ASPH: variants seen among roughly 807,000 people sequenced by gnomAD.
The protein encoded by ASPH is aspartyl/asparaginyl beta-hydroxylase.
A neutral mutation model predicts 118.4 loss-of-function variants in ASPH; 100 were observed. That is an observed-to-expected ratio of 0.84 (90% CI 0.72 to 1.00). The LOEUF (loss-of-function observed/expected upper bound fraction) is 1.00. Ranked by LOEUF, ASPH falls within the 50% of genes least tolerant of loss-of-function variation. ASPH has a pLI of 0.00. For missense variants in ASPH, 920 were observed against 919.5 expected, an observed-to-expected ratio of 1.00 and a Z score of -0.01; for synonymous variants, 315 against 325.6, an observed-to-expected ratio of 0.97 and a Z score of 0.35.
chr8:61,689,785 T>G, intron 1 of ASPH: 3 of 1,503,294 alleles, frequency 2.0e-6, no homozygotes, highest in Non-Finnish European at 2.7e-6. Context: ...GCACACTGCA[T>G]GCACTTGCCT....
At chr8:61,563,006 A>G (rs1426651961) in intron 17 of ASPH, 126 bp from the exon 18 acceptor site, 2 of 922,202 alleles carry the variant, frequency 2.2e-6, no homozygotes, top group Non-Finnish European at 3.0e-6. Context: ...TGGCTTTATT[A>G]GTGGTTTACT....
intron 21 of ASPH, among the ~76,000 whole-genome samples, chr8:61,534,448 T>C (rs1298794104): frequency 6.6e-6 from 1 of 152,206 alleles, no homozygotes; most frequent in Non-Finnish European, 1.5e-5. Flanking sequence ...AGTAATGATA[T>C]TCCACATGCT....
chr8:61,697,269 A>G (rs1254503309), intron 1 of ASPH, among the ~76,000 whole-genome samples: 2 of 152,218 alleles, frequency 1.3e-5, no homozygotes, highest in Non-Finnish European at 2.9e-5. Context: ...GATATTGGGA[A>G]AACTCTATAT....
intron 14 of ASPH, among the ~76,000 whole-genome samples, chr8:61,594,325 C>G (rs1841974553): frequency 6.6e-6 from 1 of 152,310 alleles, no homozygotes; most frequent in Non-Finnish European, 1.5e-5. Flanking sequence ...TTAAAGTTAT[C>G]TAACATCATC....
At chr8:61,651,990 T>C (rs1052136323) in intron 4 of ASPH, among the ~76,000 whole-genome samples, 2 of 152,146 alleles carry the variant, frequency 1.3e-5, no homozygotes, top group Admixed American at 1.3e-4. Context: ...TAATCTTCCA[T>C]GACAAAAAAT....
intron 1 of ASPH, chr8:61,689,844 C>A: frequency 7.2e-7 from 1 of 1,387,176 alleles, no homozygotes; most frequent in South Asian, 1.8e-5. Flanking sequence ...GCCTCTAGAA[C>A]TGAAATTGGA....
At chr8:61,625,704 T>A (rs1025824237) in intron 13 of ASPH, 52 of 985,154 alleles carry the variant, frequency 5.3e-5, no homozygotes, top group Non-Finnish European at 5.9e-5. Context: ...ATCTGAACAC[T>A]TAAAGCTAAT....
intron 3 of ASPH, among the ~76,000 whole-genome samples, chr8:61,677,560 TC>T (rs1289397749): frequency 6.6e-6 from 1 of 152,190 alleles, no homozygotes; most frequent in African/African-American, 2.4e-5. Context: ...TAGTGAATTT[TC>T]TCTGCTTTAC....
chr8:61,511,218 G>C (rs542194925), intron 24 of ASPH, among the ~76,000 whole-genome samples: 1 of 152,126 alleles, frequency 6.6e-6, no homozygotes, highest in East Asian at 1.9e-4. Context: ...ATGGAGGAAG[G>C]CCATTATTTC....
chr8:61,558,730 T>C (rs1473274376), intron 18 of ASPH, among the ~76,000 whole-genome samples: 3 of 152,222 alleles, frequency 2.0e-5, no homozygotes. Context: ...GAATGTGTAA[T>C]GGACATGCAG....
intron 21 of ASPH, among the ~76,000 whole-genome samples, chr8:61,534,551 C>T (rs1247005944): frequency 2.0e-5 from 3 of 152,072 alleles, no homozygotes; most frequent in African/African-American, 7.2e-5. Flanking sequence ...TTCTTGTTGA[C>T]CTGGTTTCTT....
intron 1 of ASPH, among the ~76,000 whole-genome samples, chr8:61,687,026 T>C (rs1830807593): frequency 6.6e-6 from 1 of 152,070 alleles, no homozygotes; most frequent in Admixed American, 6.6e-5. Flanking sequence ...AATAAGCCTA[T>C]ACTGCAGTGA....
At position 61,618,738 on chromosome 8, in the gene ASPH, C is replaced by T. The variant is rs192538030; in HGVS notation, c.976+240G>A. ...AAAAGTTAAGTATTTTTCCCAAGGA[C>T]GCAAGAGTGCAAATGTCAAAACTAG... On this transcript the variant is annotated intron_variant, in intron 14 of 24. Transcript: ENST00000379454. Among the ~76,000 whole-genome samples, 774 of 152,272 alleles carry T rather than the reference C, an allele frequency of 5.1e-3. 4 individuals carry two copies. The highest frequency in any genetic ancestry group is 0.014 in the African/African-American group (588 of 41,552).
chr8:61,625,035 G>T, intron 13 of ASPH: 2 of 985,566 alleles, frequency 2.0e-6, no homozygotes, highest in Non-Finnish European at 2.4e-6. Flanking sequence ...CTAAAAGCAG[G>T]GGGAAAAAGT....
In ASPH at chr8:61,501,098, CT is replaced by C. The variant is rs1282271744; in HGVS notation, c.*2260del. 1 of 152,000 alleles carries C rather than the reference CT, an allele frequency of 6.6e-6. No individual in the cohort carries two copies. Among genetic ancestry groups the C allele is most frequent in the Non-Finnish European group, 1.5e-5 (1 of 67,982 alleles). The allele number at this position is 152,000 out of a possible 1,614,324, so 9.4% of individuals were successfully genotyped here. ...CAACTGTATCACAATATAAATTAAA[CT>C]AATTCATTTTTGTGTAGACATACGA... is the stretch of plus-strand genomic sequence containing the variant. On this transcript the variant is annotated 3_prime_UTR_variant, in exon 25 of 25. Coordinates refer to ENST00000379454, the MANE Select transcript of ASPH (RefSeq NM_004318.4).
intron 1 of ASPH, among the ~76,000 whole-genome samples, chr8:61,706,582 C>A (rs919565234): frequency 1.3e-5 from 2 of 151,946 alleles, no homozygotes; most frequent in African/African-American, 2.4e-5. Context: ...TGTATTTGTC[C>A]CAAATTGTTC....
intron 14 of ASPH, among the ~76,000 whole-genome samples, chr8:61,595,657 A>G (rs961792223): frequency 1.3e-5 from 2 of 152,228 alleles, no homozygotes; most frequent in Admixed American, 1.3e-4. Context: ...CATTCCTCAA[A>G]CCAGTGATAA....
At chr8:61,683,725 A>G (rs1273932410) in intron 2 of ASPH, 1 of 195,104 alleles carries the variant, frequency 5.1e-6, no homozygotes, top group Non-Finnish European at 1.0e-5. Context: ...AATTTATAAT[A>G]TAACAAAATT....
In ASPH at chr8:61,625,597, T is replaced by C. The variant is rs1040142341; in HGVS notation, c.935-6578A>G. The C allele has an allele frequency of 1.1e-5, 11 of 982,850 alleles. No individual in the cohort carries two copies. The Admixed American group carries it at 6.8e-4, about 61-fold the overall frequency. 60.9% of individuals were successfully genotyped at this position (982,850 alleles called of 1,614,324 possible). ...AAGGAATTTCAGCTTTCCCCTCTCA[T>C]TTAAAAAAATAAATAAATGATAATT... On this transcript the variant is annotated intron_variant, in intron 13 of 24. Transcript: ENST00000379454.
Sources: allele counts gnomAD v4.1 joint callset (sites outside exome capture counted in the v4.1 genomes callset), GRCh38; gene constraint gnomAD v4.1.1; transcripts MANE v1.5; gene names NCBI Gene and HGNC (gene_info 2026-07-23, HGNC 2026-07-21).